Variants in MGAT4C observed in about 807,000 individuals in gnomAD.
MGAT4C encodes the protein MGAT4 family member C.
In MGAT4C, 19 loss-of-function variants were observed where a neutral mutation model predicts 40.1. That is an observed-to-expected ratio of 0.47 (90% CI 0.33 to 0.70). MGAT4C has a LOEUF of 0.70. Among genes scored for constraint, MGAT4C ranks in the 30% least tolerant of loss-of-function variants. MGAT4C has a pLI of 0.02. For missense variants in MGAT4C, 491 were observed against 563.2 expected (o/e 0.87, Z 1.30); for synonymous variants, 181 against 187.1 (o/e 0.97, Z 0.27).
At chr12:86,474,387 G>T (rs1957801667) in intron 2 of MGAT4C, among the ~76,000 whole-genome samples, 1 of 119,292 alleles carries the variant, frequency 8.4e-6, no homozygotes, top group African/African-American at 3.1e-5. Flanking sequence ...GGGGGAGGGG[G>T]GAGGGATAGC....
chr12:86,768,251 T>G lies in MGAT4C; in HGVS notation c.-261-41010A>C, dbSNP rs1010258362. ...GACAAACAGAGAGCTAAATCATGAG[T>G]GAATTCCCATTCACAATTGCTTCAC... On this transcript the variant is annotated intron_variant, in intron 1 of 7. Transcript: ENST00000548651. 4.6e-5 allele frequency among the ~76,000 whole-genome samples: 7 copies of G among 152,188 alleles called. 1 individual carries two copies. In the Middle Eastern group the frequency reaches 0.02, roughly 444 times the overall value.
chr12:86,033,828 C>A (rs918934902), intron 2 of MGAT4C, among the ~76,000 whole-genome samples: 2 of 149,574 alleles, frequency 1.3e-5, no homozygotes, highest in African/African-American at 4.9e-5. Context: ...TTTTCTTGCT[C>A]CAGTTCCCAA....
intron 2 of MGAT4C, among the ~76,000 whole-genome samples, chr12:86,482,067 TACACACAC>T (rs10526768): frequency 1.3e-4 from 19 of 143,108 alleles, no homozygotes; most frequent in Non-Finnish European, 1.8e-4. Flanking sequence ...AACATGTCAC[TACACACAC>T]ACACACACAC....
intron 3 of MGAT4C, among the ~76,000 whole-genome samples, chr12:86,400,295 T>C (rs1005187552): frequency 6.6e-6 from 1 of 152,222 alleles, no homozygotes; most frequent in African/African-American, 2.4e-5. Context: ...GCCTTCCAGT[T>C]GTCCCCAATA....
At chr12:86,051,141 T>C (rs1892852503) in intron 1 of MGAT4C, among the ~76,000 whole-genome samples, 1 of 152,004 alleles carries the variant, frequency 6.6e-6, no homozygotes, top group Non-Finnish European at 1.5e-5. Context: ...ACATTAGAGG[T>C]GATCACCAGA....
intron 2 of MGAT4C, among the ~76,000 whole-genome samples, chr12:86,573,614 G>C (rs1273912605): frequency 6.6e-6 from 1 of 151,918 alleles, no homozygotes. Flanking sequence ...CTCCATGAGG[G>C]CAACAATAAT....
intron 2 of MGAT4C, chr12:86,013,643 G>A (rs1050457750): frequency 8.9e-6 from 6 of 670,828 alleles, no homozygotes; most frequent in South Asian, 6.7e-5. Context: ...ATCTGTGAAC[G>A]TGTACTATTC....
At chr12:86,296,622 C>G (rs1353855361) in intron 4 of MGAT4C, among the ~76,000 whole-genome samples, 1 of 152,208 alleles carries the variant, frequency 6.6e-6, no homozygotes, top group Non-Finnish European at 1.5e-5. Context: ...GGTCCCAGTA[C>G]ACCCTCCGCA....
chr12:86,487,335 G>T (rs997681423), intron 2 of MGAT4C, among the ~76,000 whole-genome samples: 1 of 152,134 alleles, frequency 6.6e-6, no homozygotes. Flanking sequence ...AATGTATCCA[G>T]TTAGGACTAA....
At chr12:86,292,988 A>C (rs1953563847) in intron 4 of MGAT4C, among the ~76,000 whole-genome samples, 1 of 152,154 alleles carries the variant, frequency 6.6e-6, no homozygotes, top group Non-Finnish European at 1.5e-5. Context: ...TGAGAAAATT[A>C]GTTGGTTGCA....
At chr12:86,275,670 G>C (rs1953059740) in intron 4 of MGAT4C, among the ~76,000 whole-genome samples, 1 of 152,106 alleles carries the variant, frequency 6.6e-6, no homozygotes, top group African/African-American at 2.4e-5. Flanking sequence ...AAAGCGGAGA[G>C]TGGAGTGATG....
At chr12:86,363,881 T>G (rs1468854067) in intron 3 of MGAT4C, among the ~76,000 whole-genome samples, 2 of 151,974 alleles carry the variant, frequency 1.3e-5, no homozygotes, top group Non-Finnish European at 2.9e-5. Flanking sequence ...AGGGACAATT[T>G]ATGCCTATAA....
At chr12:86,625,280 C>T (rs1962767729) in intron 2 of MGAT4C, among the ~76,000 whole-genome samples, 1 of 152,070 alleles carries the variant, frequency 6.6e-6, no homozygotes, top group East Asian at 1.9e-4. Context: ...AATTAAACCT[C>T]CTTTGCTTAT....
chr12:86,425,125 A>G (rs1956901636), intron 3 of MGAT4C, among the ~76,000 whole-genome samples: 1 of 152,130 alleles, frequency 6.6e-6, no homozygotes, highest in African/African-American at 2.4e-5. Context: ...TCATTAAGTG[A>G]TAGAATCTGA....
intron 1 of MGAT4C, among the ~76,000 whole-genome samples, chr12:86,771,861 C>G (rs957985207): frequency 1.3e-5 from 2 of 151,840 alleles, no homozygotes; most frequent in Admixed American, 6.6e-5. Context: ...AAATTGTGTT[C>G]TAGTGTTTTG....
At chr12:86,462,023 A>T (rs930996133) in intron 2 of MGAT4C, among the ~76,000 whole-genome samples, 8 of 152,320 alleles carry the variant, frequency 5.3e-5, no homozygotes, top group African/African-American at 1.9e-4. Flanking sequence ...ACATTTTACA[A>T]ATGTAATAGG....
At chr12:86,204,103 A>G (rs1425519478) in intron 1 of MGAT4C, among the ~76,000 whole-genome samples, 1 of 151,746 alleles carries the variant, frequency 6.6e-6, no homozygotes, top group Admixed American at 6.6e-5. Context: ...TCTTCACAAA[A>G]ATATATTACA....
At chr12:86,447,859 T>C (rs1477950831) in intron 2 of MGAT4C, among the ~76,000 whole-genome samples, 2 of 152,190 alleles carry the variant, frequency 1.3e-5, no homozygotes, top group Non-Finnish European at 2.9e-5. Context: ...CTCCTCCATA[T>C]ACTGTGTAAC....
chr12:85,999,606 T>TAC (rs1444257412), intron 2 of MGAT4C, among the ~76,000 whole-genome samples: 2 of 148,348 alleles, frequency 1.3e-5, no homozygotes, highest in East Asian at 2.0e-4. Context: ...TATATATATA[T>TAC]ATACATACAC....
Sources: gnomAD v4.1 joint callset for allele counts (sites outside exome capture counted in the v4.1 genomes callset) on GRCh38, gnomAD v4.1.1 for gene constraint, MANE v1.5 for transcripts, NCBI Gene and HGNC (gene_info 2026-07-23, HGNC 2026-07-21) for gene names.